Variants in ITPK1 observed in about 807,000 individuals in gnomAD.
ITPK1 encodes the protein inositol-tetrakisphosphate 1-kinase.
Under a neutral mutation model 45.3 loss-of-function variants are expected in ITPK1, and 21 were observed. The ratio of observed to expected loss-of-function variants is 0.46; its 90% confidence interval spans 0.33 to 0.67. ITPK1 has a LOEUF of 0.67. ITPK1 is among the 30% of genes least tolerant of loss of function. The probability of loss-of-function intolerance (pLI) is 0.02; values close to 1 mark genes in which losing one functional copy is unlikely to be tolerated. For missense variants in ITPK1, 474 were observed against 573.5 expected (o/e 0.83, Z 1.77); for synonymous variants, 258 against 253.6 (o/e 1.02, Z -0.16).
rs116261325 is a variant in ITPK1 at position 93,109,608 on chromosome 14, C to A, written c.95+5461G>T. Among the ~76,000 whole-genome samples, 1,163 of 152,306 alleles carry A rather than the reference C, an allele frequency of 7.6e-3. 17 individuals carry two copies. Among genetic ancestry groups the A allele is most frequent in the African/African-American group, 0.026 (1,099 of 41,560 alleles). Reference sequence around the variant, plus strand: ...TAAAAAAATACAAGTAGCATCTTAACATAAATTTCTCAGCTTCCCCATCCA... The same window carrying A: ...TAAAAAAATACAAGTAGCATCTTAAAATAAATTTCTCAGCTTCCCCATCCA... On this transcript the variant is annotated intron_variant, in intron 2 of 10. Transcript: ENST00000267615.
At position 93,066,308 on chromosome 14, in the gene ITPK1, GTGTGTGTGTGTA is replaced by G. The variant is rs1364617868; in HGVS notation, c.120+10275_120+10286del. ...TGTGCGTGCGTGTGTGCGCGTGCAT[GTGTGTGTGTGTA>G]TGTGTGTGTGTGTGTGTGTGTAGGG... On this transcript the variant is annotated intron_variant, in intron 3 of 10. Transcript: ENST00000267615. The G allele has an allele frequency of 9.3e-6, 4 of 428,884 alleles. No individual in the cohort carries two copies. The Middle Eastern group carries it at 1.0e-3, about 107-fold the overall frequency. 26.6% of individuals were successfully genotyped at this position (428,884 alleles called of 1,614,324 possible). A position where few individuals can be genotyped will look rare whatever the true frequency, so the allele number is the denominator to read the frequency against.
chr14:92,961,666 T>C (rs1885078589), intron 7 of ITPK1, among the ~76,000 whole-genome samples: 1 of 152,150 alleles, frequency 6.6e-6, no homozygotes, highest in South Asian at 2.1e-4. Flanking sequence ...GCCCAAAGGA[T>C]AGCCAGCCCT....
At chr14:93,082,264 A>G (rs960397524) in intron 2 of ITPK1, among the ~76,000 whole-genome samples, 14 of 152,280 alleles carry the variant, frequency 9.2e-5, no homozygotes, top group African/African-American at 2.9e-4. Flanking sequence ...CCAGGAGACG[A>G]GAGAACACTG....
At chr14:92,955,981 G>A (rs1884701350) in intron 8 of ITPK1, among the ~76,000 whole-genome samples, 1 of 152,228 alleles carries the variant, frequency 6.6e-6, no homozygotes, top group Admixed American at 6.5e-5. Flanking sequence ...TAGCTCCCTG[G>A]CACAGTGCCC....
Position 93,016,482 on chromosome 14 carries a change from C to G in ITPK1, c.246+194G>C, listed in dbSNP as rs193250780. Among the ~76,000 whole-genome samples, 34 of 152,174 alleles carry G rather than the reference C, an allele frequency of 2.2e-4. No homozygotes were observed. Among genetic ancestry groups the G allele is most frequent in the Non-Finnish European group, 4.4e-4 (30 of 68,028 alleles). On this transcript the variant is annotated intron_variant, in intron 4 of 10. Transcript: ENST00000267615. The surrounding 1 kb of genome is among the most constrained non-coding windows in gnomAD (Gnocchi z 5.0). The stretch of plus-strand genomic sequence containing the variant: ...CAACCATGCCCTGGTTCAGTCCCCA[C>G]GCTACACCCGAGGACACTGACGCCG...
chr14:93,042,818 G>A (rs2139914008), intron 3 of ITPK1, among the ~76,000 whole-genome samples: 1 of 152,236 alleles, frequency 6.6e-6, no homozygotes, highest in Non-Finnish European at 1.5e-5. Flanking sequence ...AGGAGTTCAA[G>A]ACCAACCTGA....
At chr14:93,087,261 G>C (rs1247598469) in intron 2 of ITPK1, among the ~76,000 whole-genome samples, 6 of 152,184 alleles carry the variant, frequency 3.9e-5, no homozygotes, top group Non-Finnish European at 8.8e-5. Flanking sequence ...TGCTTCCACT[G>C]TCACATCTCC....
intron 3 of ITPK1, among the ~76,000 whole-genome samples, chr14:93,018,691 G>A (rs1460179414): frequency 6.6e-6 from 1 of 152,172 alleles, no homozygotes; most frequent in Non-Finnish European, 1.5e-5. Flanking sequence ...GTGAGGAAGG[G>A]GAAGGGAAAG....
At chr14:93,075,738 T>TA (rs1298842748) in intron 3 of ITPK1, among the ~76,000 whole-genome samples, 3 of 152,164 alleles carry the variant, frequency 2.0e-5, no homozygotes, top group Admixed American at 2.0e-4. Context: ...TTAGATATTC[T>TA]AGCAGGGGCC....
intron 2 of ITPK1, among the ~76,000 whole-genome samples, chr14:93,091,206 T>C (rs1173438448): frequency 1.3e-5 from 2 of 152,246 alleles, no homozygotes; most frequent in Non-Finnish European, 2.9e-5. Flanking sequence ...CAAATACAGA[T>C]ATAATTTCAA....
intron 3 of ITPK1, among the ~76,000 whole-genome samples, chr14:93,019,177 G>T (rs1282686940): frequency 6.6e-6 from 1 of 152,174 alleles, no homozygotes; most frequent in African/African-American, 2.4e-5. Context: ...ACGAGCGCAG[G>T]GGGAGCCGGG....
intron 3 of ITPK1, among the ~76,000 whole-genome samples, chr14:93,048,703 C>T (rs1889886151): frequency 6.6e-6 from 1 of 152,210 alleles, no homozygotes; most frequent in South Asian, 2.1e-4. Flanking sequence ...AATCCCAGCA[C>T]TTTGGGAGGC....
At chr14:92,988,410 C>A (rs376041839) in intron 5 of ITPK1, among the ~76,000 whole-genome samples, 1 of 152,222 alleles carries the variant, frequency 6.6e-6, no homozygotes, top group Non-Finnish European at 1.5e-5. Flanking sequence ...TGGCCCAGCC[C>A]CCCGAGGGGC....
At chr14:93,038,177 G>C (rs1889398208) in intron 3 of ITPK1, among the ~76,000 whole-genome samples, 1 of 151,948 alleles carries the variant, frequency 6.6e-6, no homozygotes, top group Non-Finnish European at 1.5e-5. Flanking sequence ...TGGGACTACA[G>C]GTGTGAGCAA....
At chr14:93,095,239 A>G (rs893678643) in intron 2 of ITPK1, among the ~76,000 whole-genome samples, 2 of 152,222 alleles carry the variant, frequency 1.3e-5, no homozygotes, top group Admixed American at 1.3e-4. Flanking sequence ...GGGGCCTACG[A>G]TGAGTTATTT....
chr14:92,977,490 C>T (rs1384834236), intron 5 of ITPK1, among the ~76,000 whole-genome samples: 7 of 152,206 alleles, frequency 4.6e-5, no homozygotes, highest in Non-Finnish European at 2.9e-5. Flanking sequence ...AGCCAGCCGA[C>T]GTGGTTTGGC....
chr14:92,941,756 C>A lies in ITPK1; in HGVS notation c.1050G>T (p.Val350=), dbSNP rs765749252. 1 of 1,603,542 alleles carries A rather than the reference C, an allele frequency of 6.2e-7. No homozygotes were observed. Among genetic ancestry groups the A allele is most frequent in the South Asian group, 1.1e-5 (1 of 89,866 alleles). The change falls in exon 11 of 11, where the codon GTG becomes GTT. Residue 350 remains valine (V), a synonymous_variant. Coordinates refer to ENST00000267615, the MANE Select transcript of ITPK1 (RefSeq NM_014216.6). ...KLLAEPAGGL[V]GERTCSASPG... is the part of the protein sequence containing the mutation. ...GGCTGGCGCTGCATGTCCGCTCGCC[C>A]ACCAGGCCGCCCGCCGGCTCGGCCA...
intron 2 of ITPK1, among the ~76,000 whole-genome samples, chr14:93,083,528 T>C (rs1356220140): frequency 1.3e-5 from 2 of 152,132 alleles, no homozygotes; most frequent in Non-Finnish European, 2.9e-5. Context: ...AAGCAACGTG[T>C]GGCACAGTTC....
intron 3 of ITPK1, among the ~76,000 whole-genome samples, chr14:93,035,670 C>T (rs537904139): frequency 2.0e-5 from 3 of 152,226 alleles, no homozygotes; most frequent in Non-Finnish European, 4.4e-5. Flanking sequence ...AGGCAGTGGT[C>T]TACCAGGCAC....
Sources: gnomAD v4.1 joint callset for allele counts (sites outside exome capture counted in the v4.1 genomes callset) on GRCh38, gnomAD v4.1.1 for gene constraint, Gnocchi (gnomAD v3.1) non-coding constraint, MANE v1.5 for transcripts, NCBI Gene and HGNC (gene_info 2026-07-23, HGNC 2026-07-21) for gene names.